The following PCDH15 variants were observed in gnomAD, a reference collection of about 807,000 sequenced individuals.
The protein encoded by PCDH15 is protocadherin-15.
A neutral mutation model predicts 178.5 loss-of-function variants in PCDH15; 129 were observed. The ratio of observed to expected loss-of-function variants is 0.72; its 90% confidence interval spans 0.63 to 0.84. The LOEUF is 0.84. Among genes scored for constraint, PCDH15 ranks in the 40% least tolerant of loss-of-function variants. The pLI is 0.00. For missense variants in PCDH15, 2,230 were observed against 2,099.9 expected, an observed-to-expected ratio of 1.06 and a Z score of -1.21; for synonymous variants, 800 against 732.0, an observed-to-expected ratio of 1.09 and a Z score of -1.50.
At chr10:55,269,420 G>T (rs116077884) in intron 1 of PCDH15, among the ~76,000 whole-genome samples, 246 of 152,138 alleles carry the variant, frequency 1.6e-3, no homozygotes, top group African/African-American at 5.6e-3. Context: ...ATGGATAAAA[G>T]ATTTTAGTAA....
chr10:55,041,972 A>G (rs181557653), intron 2 of PCDH15, among the ~76,000 whole-genome samples: 1 of 152,212 alleles, frequency 6.6e-6, no homozygotes, highest in Non-Finnish European at 1.5e-5. Context: ...AGCATACCCA[A>G]AATAATATTA....
chr10:54,935,055 G>T lies in PCDH15; in HGVS notation c.-79-37555C>A, dbSNP rs943926403. ...TGAGAACACATGGACACAGGAAGGG[G>T]AACATCACACTCTGGGGACTGTTGT... On this transcript the variant is annotated intron_variant, in intron 2 of 5. Coordinates refer to the PCDH15 transcript ENST00000458638. Among the ~76,000 whole-genome samples, 6 of 148,284 alleles carry T rather than the reference G, an allele frequency of 4.0e-5. No individual in the cohort carries two copies. The East Asian group carries it at 1.2e-3, about 30-fold the overall frequency.
rs61184409 is a variant in PCDH15, at chr10:55,598,513, AATATATATATATATAT to A, written c.-156+29096_-156+29111del. ...TATAACACCAGCTTCAGCAAACCCT[AATATATATATATATAT>A]ATATATATATATATATATATATATA... On this transcript the variant is annotated intron_variant, in intron 2 of 5. Coordinates refer to the PCDH15 transcript ENST00000613346. Among the ~76,000 whole-genome samples the A allele has an allele frequency of 1.4e-3, 117 of 83,416 alleles. 1 individual carries two copies. The highest frequency in any genetic ancestry group is 2.0e-3 in the African/African-American group (55 of 26,992). 54.7% of individuals were successfully genotyped at this position (83,416 alleles called of 152,430 possible).
At chr10:55,524,165 C>T (rs989280143) in intron 2 of PCDH15, among the ~76,000 whole-genome samples, 1 of 151,530 alleles carries the variant, frequency 6.6e-6, no homozygotes, top group Non-Finnish European at 1.5e-5. Flanking sequence ...AACCTCCTCA[C>T]CAAATATTTA....
At chr10:55,501,687 A>C (rs1017802277) in intron 2 of PCDH15, among the ~76,000 whole-genome samples, 1 of 151,780 alleles carries the variant, frequency 6.6e-6, no homozygotes, top group Non-Finnish European at 1.5e-5. Flanking sequence ...ACTATAAGTT[A>C]CAAGTTTGGA....
intron 15 of PCDH15, among the ~76,000 whole-genome samples, chr10:54,094,109 G>T (rs1292107840): frequency 6.6e-6 from 1 of 152,038 alleles, no homozygotes; most frequent in Admixed American, 6.6e-5. Context: ...CTCAGACAAT[G>T]CACTCAAGTA....
intron 25 of PCDH15, among the ~76,000 whole-genome samples, chr10:53,937,163 C>A (rs999142686): frequency 1.3e-5 from 2 of 152,068 alleles, no homozygotes; most frequent in Non-Finnish European, 2.9e-5. Context: ...CTTTTATTAG[C>A]CTCAGATTTA....
At chr10:54,720,583 T>C (rs1323199883) in intron 1 of PCDH15, among the ~76,000 whole-genome samples, 1 of 151,480 alleles carries the variant, frequency 6.6e-6, no homozygotes, top group Non-Finnish European at 1.5e-5. Flanking sequence ...GAAGATGAAA[T>C]AGTCTTTCCA....
chr10:55,160,197 C>T lies in PCDH15; in HGVS notation c.-80+6379G>A, dbSNP rs578226300. Among the ~76,000 whole-genome samples, 13 of 152,090 alleles carry T rather than the reference C, an allele frequency of 8.5e-5. No individual in the cohort carries two copies. The South Asian group carries it at 1.2e-3, about 15-fold the overall frequency. ...TTCTCACAGTAAAGAGGAAAGCTTT[C>T]GTACAGATTTTACTTTTTTCTTGCT... On this transcript the variant is annotated intron_variant, in intron 2 of 5. Coordinates refer to the PCDH15 transcript ENST00000458638.
chr10:53,895,141 ACCAGGAGCCCCCAGGAGCCC>A (rs776219410), intron 26 of PCDH15, among the ~76,000 whole-genome samples: 1 of 152,064 alleles, frequency 6.6e-6, no homozygotes, highest in Non-Finnish European at 1.5e-5. Context: ...AGGGCTAGAG[ACCAGGAGCCCCCAGGAGCCC>A]CCAGGAGCCC....
chr10:54,375,113 T>C (rs911284124), intron 4 of PCDH15, among the ~76,000 whole-genome samples: 1 of 152,142 alleles, frequency 6.6e-6, no homozygotes, highest in Non-Finnish European at 1.5e-5. Flanking sequence ...GGATCTACCA[T>C]GTGGCCCTAC....
In PCDH15 at chr10:54,418,391, AG is replaced by A. The variant is rs1954762855; in HGVS notation, c.158-39450del. Reference sequence around the variant, plus strand: ...TATTAATTTTATTTAAATATAACAAAGATTTGCCAGTATTCAAATGTCTGCA... The same window carrying A: ...TATTAATTTTATTTAAATATAACAAAATTTGCCAGTATTCAAATGTCTGCA... On this transcript the variant is annotated intron_variant, in intron 3 of 37. Coordinates refer to ENST00000644397, the MANE Select transcript of PCDH15 (RefSeq NM_001384140.1). 2.0e-5 allele frequency among the ~76,000 whole-genome samples: 3 copies of A among 152,224 alleles called. No homozygotes were observed. In the South Asian group the frequency reaches 6.2e-4, roughly 32 times the overall value.
chr10:53,900,437 A>G (rs2082263428), intron 26 of PCDH15, among the ~76,000 whole-genome samples: 1 of 152,120 alleles, frequency 6.6e-6, no homozygotes, highest in South Asian at 2.1e-4. Context: ...TGTATACTTC[A>G]TCTGAAGAAG....
chr10:55,120,194 C>T (rs1257204770), intron 2 of PCDH15, among the ~76,000 whole-genome samples: 2 of 151,708 alleles, frequency 1.3e-5, no homozygotes, highest in Non-Finnish European at 2.9e-5. Flanking sequence ...AAAATATGAA[C>T]TAAGGAAAAA....
chr10:55,019,311 A>G (rs570495010), intron 2 of PCDH15, among the ~76,000 whole-genome samples: 4 of 152,310 alleles, frequency 2.6e-5, no homozygotes, highest in Non-Finnish European at 5.9e-5. Context: ...CACTTCAAAC[A>G]TAATACAACA....
At chr10:55,580,381 G>C (rs868153553) in intron 2 of PCDH15, among the ~76,000 whole-genome samples, 12 of 134,700 alleles carry the variant, frequency 8.9e-5, no homozygotes, top group African/African-American at 3.3e-4. Context: ...TTTTTGAGAC[G>C]AAGTCTCATT....
At chr10:54,457,234 A>G (rs1161138371) in intron 3 of PCDH15, among the ~76,000 whole-genome samples, 1 of 152,168 alleles carries the variant, frequency 6.6e-6, no homozygotes, top group Non-Finnish European at 1.5e-5. Flanking sequence ...TCTAACTATC[A>G]AAGTGACAAA....
At chr10:55,293,171 G>A (rs1445853295) in intron 1 of PCDH15, among the ~76,000 whole-genome samples, 1 of 152,144 alleles carries the variant, frequency 6.6e-6, no homozygotes, top group Non-Finnish European at 1.5e-5. Context: ...CAAGGCTTGG[G>A]TTTTGCACTC....
rs1554845153 is a variant in PCDH15, at chr10:53,888,300, A to ATATGTATATATATACG, written c.3501+14942_3501+14943insCGTATATATATACATA. Among the ~76,000 whole-genome samples the ATATGTATATATATACG allele has an allele frequency of 3.9e-4, 32 of 82,020 alleles. 1 individual carries two copies. The highest frequency in any genetic ancestry group is 1.3e-3 in the African/African-American group (27 of 20,018). 53.8% of individuals were successfully genotyped at this position (82,020 alleles called of 152,430 possible). A position where few individuals can be genotyped will look rare whatever the true frequency, so the allele number is the denominator to read the frequency against. On this transcript the variant is annotated intron_variant, in intron 26 of 37. Transcript: ENST00000644397. Reference sequence around the variant, plus strand: ...TCCAACACTATATATACATATATATATATATATATGTATATATGTACGTAT... The same window carrying ATATGTATATATATACG: ...TCCAACACTATATATACATATATATATATGTATATATATACGTATATATATGTATATATGTACGTAT...
Sources: allele counts gnomAD v4.1 joint callset (sites outside exome capture counted in the v4.1 genomes callset), GRCh38; gene constraint gnomAD v4.1.1; transcripts MANE v1.5; gene names NCBI Gene and HGNC (gene_info 2026-07-23, HGNC 2026-07-21).